The following PAX5 variants were observed in gnomAD, a reference collection of about 807,000 sequenced individuals.
PAX5 encodes the protein paired box protein Pax-5.
PAX5 carries 9 observed loss-of-function variants against 43.7 expected under a neutral mutation model. That is an observed-to-expected ratio of 0.21 (90% CI 0.12 to 0.36). The LOEUF is 0.36. PAX5 is among the 10% of genes least tolerant of loss of function. PAX5 has a pLI of 1.00. For missense variants in PAX5, 383 were observed against 532.7 expected, an observed-to-expected ratio of 0.72 and a Z score of 2.77; for synonymous variants, 228 against 214.3, an observed-to-expected ratio of 1.06 and a Z score of -0.56.
chr9:36,959,335 C>G (rs1833761985), intron 6 of PAX5, among the ~76,000 whole-genome samples: 1 of 152,230 alleles, frequency 6.6e-6, no homozygotes, highest in Admixed American at 6.5e-5. Flanking sequence ...CAATGGGAAG[C>G]TCACTACTTA....
At chr9:36,866,226 C>T (rs1026226577) in intron 8 of PAX5, among the ~76,000 whole-genome samples, 1 of 152,246 alleles carries the variant, frequency 6.6e-6, no homozygotes, top group Non-Finnish European at 1.5e-5. Flanking sequence ...GCCAAGACTT[C>T]AGAACCTCAG....
At position 36,834,798 on chromosome 9, in the gene PAX5, G is replaced by C. The variant is rs189548498; in HGVS notation, c.*5762C>G. ...TGAGGGACGTGGCCACAGGCATGGT[G>C]ATTTTGGGGACAAGGGCGACCAGCG... On this transcript the variant is annotated 3_prime_UTR_variant, in exon 10 of 10. Coordinates refer to ENST00000358127, the MANE Select transcript of PAX5 (RefSeq NM_016734.3). 1.4e-4 allele frequency: 32 copies of C among 221,192 alleles called. No homozygotes were observed. In the East Asian group the frequency reaches 2.0e-3, roughly 14 times the overall value. The allele number at this position is 221,192 out of a possible 1,614,324, so 13.7% of individuals were successfully genotyped here.
chr9:36,980,449 G>A (rs1564034180), intron 5 of PAX5, among the ~76,000 whole-genome samples: 1 of 152,178 alleles, frequency 6.6e-6, no homozygotes, highest in African/African-American at 2.4e-5. Context: ...TGGGGGAGGG[G>A]CTTTGGGCCA....
At chr9:36,955,387 T>G (rs1470101984) in intron 6 of PAX5, among the ~76,000 whole-genome samples, 1 of 152,210 alleles carries the variant, frequency 6.6e-6, no homozygotes, top group Non-Finnish European at 1.5e-5. Flanking sequence ...TTCACTAATA[T>G]GCCTCCAGTT....
chr9:36,845,876 G>T (rs1182923101), intron 9 of PAX5, among the ~76,000 whole-genome samples: 1 of 152,210 alleles, frequency 6.6e-6, no homozygotes, highest in Admixed American at 6.5e-5. Flanking sequence ...GAATTAAAAG[G>T]TTCTTCCTTA....
intron 1 of PAX5, among the ~76,000 whole-genome samples, chr9:37,023,919 CAG>C (rs1337933394): frequency 2.0e-5 from 3 of 152,168 alleles, no homozygotes; most frequent in Non-Finnish European, 2.9e-5. Flanking sequence ...TTAGACTAGA[CAG>C]AGAGAGAGCT....
At chr9:37,029,780 C>A (rs966910432) in intron 1 of PAX5, among the ~76,000 whole-genome samples, 11 of 152,304 alleles carry the variant, frequency 7.2e-5, no homozygotes, top group African/African-American at 2.6e-4. Flanking sequence ...AACCCAGGTT[C>A]TCTAGATTCT....
chr9:36,843,015 T>C (rs922639948), intron 9 of PAX5, among the ~76,000 whole-genome samples: 13 of 152,014 alleles, frequency 8.6e-5, no homozygotes, highest in African/African-American at 3.1e-4. Context: ...CATGTGTCTG[T>C]GTGTGTATGT....
intron 9 of PAX5, among the ~76,000 whole-genome samples, chr9:36,841,774 G>A (rs186335710): frequency 6.6e-6 from 1 of 152,344 alleles, no homozygotes; most frequent in Admixed American, 6.5e-5. Flanking sequence ...TCCTGACCCT[G>A]CTGGGGGCAG....
At chr9:36,864,541 C>T (rs535354687) in intron 8 of PAX5, among the ~76,000 whole-genome samples, 20 of 152,350 alleles carry the variant, frequency 1.3e-4, no homozygotes, top group Admixed American at 4.6e-4. Flanking sequence ...TGAGGGTCCC[C>T]GTGCCCCAGC....
At chr9:37,014,141 T>A (rs189733852) in intron 3 of PAX5, among the ~76,000 whole-genome samples, 71 of 152,390 alleles carry the variant, frequency 4.7e-4, no homozygotes, top group Non-Finnish European at 4.9e-4. Context: ...TCTTTGGGTT[T>A]AAATGGAGTT....
intron 7 of PAX5, among the ~76,000 whole-genome samples, chr9:36,900,791 C>G (rs1044058533): frequency 6.6e-6 from 1 of 152,134 alleles, no homozygotes; most frequent in African/African-American, 2.4e-5. Context: ...CCAGTCCTGA[C>G]CCCGCCCCCA....
intron 1 of PAX5, among the ~76,000 whole-genome samples, chr9:37,033,245 A>T (rs146418068): frequency 1.3e-5 from 2 of 152,320 alleles, no homozygotes; most frequent in East Asian, 3.9e-4. Context: ...CCTATCTCCC[A>T]ATAGAATGGA....
intron 7 of PAX5, among the ~76,000 whole-genome samples, chr9:36,920,059 G>A (rs1331035675): frequency 6.6e-6 from 1 of 152,090 alleles, no homozygotes; most frequent in Non-Finnish European, 1.5e-5. Flanking sequence ...GTACTGAATT[G>A]CTGCCATCTC....
intron 7 of PAX5, among the ~76,000 whole-genome samples, chr9:36,909,934 G>A (rs561500123): frequency 2.0e-4 from 29 of 144,228 alleles, no homozygotes; most frequent in Non-Finnish European, 3.7e-4. Context: ...TGATCCTCCT[G>A]CCCCAGCCTC....
chr9:36,930,312 C>A (rs1050999072), intron 6 of PAX5, among the ~76,000 whole-genome samples: 8 of 150,330 alleles, frequency 5.3e-5, no homozygotes, highest in Non-Finnish European at 1.2e-4. Flanking sequence ...CTGCCTCAAC[C>A]TCCCAGGCCC....
chr9:36,924,744 GAAGGAAGGAAGGAAGGA>G (rs1830468466), intron 6 of PAX5, among the ~76,000 whole-genome samples: 5 of 97,696 alleles, frequency 5.1e-5, no homozygotes, highest in East Asian at 4.0e-4. Context: ...TGGAAGGAAG[GAAGGAAGGAAGGAAGGA>G]AGGAAGGAAG....
At chr9:36,889,039 C>A (rs981478926) in intron 7 of PAX5, among the ~76,000 whole-genome samples, 4 of 152,168 alleles carry the variant, frequency 2.6e-5, no homozygotes, top group Non-Finnish European at 4.4e-5. Flanking sequence ...GGGAGTGTAA[C>A]AATGGTACTC....
intron 6 of PAX5, among the ~76,000 whole-genome samples, chr9:36,959,820 G>A (rs1285287177): frequency 1.3e-5 from 2 of 152,254 alleles, no homozygotes; most frequent in Non-Finnish European, 2.9e-5. Context: ...CTGGGCTCTG[G>A]AGGCAAGGAC....
Sources: gnomAD v4.1 joint callset for allele counts (sites outside exome capture counted in the v4.1 genomes callset) on GRCh38, gnomAD v4.1.1 for gene constraint, MANE v1.5 for transcripts, NCBI Gene and HGNC (gene_info 2026-07-23, HGNC 2026-07-21) for gene names.